The following BAHD1 variants were observed in gnomAD, a reference collection of about 807,000 sequenced individuals.
BAHD1 encodes the protein bromo adjacent homology domain containing 1.
Under a neutral mutation model 63.1 loss-of-function variants are expected in BAHD1, and 20 were observed. That is an observed-to-expected ratio of 0.32 (90% CI 0.22 to 0.46). BAHD1 has a LOEUF of 0.46. Among genes scored for constraint, BAHD1 ranks in the 20% least tolerant of loss-of-function variants. The probability of loss-of-function intolerance (pLI) is 1.00; values close to 1 mark genes in which losing one functional copy is unlikely to be tolerated. For missense variants in BAHD1, 939 were observed against 1,071.8 expected, an observed-to-expected ratio of 0.88 and a Z score of 1.73; for synonymous variants, 408 against 426.8, an observed-to-expected ratio of 0.96 and a Z score of 0.54.
At chr15:40,463,836 T>C in intron 3 of BAHD1, 25 bp from the exon 4 acceptor site, 2 of 1,613,486 alleles carry the variant, frequency 1.2e-6, no homozygotes, top group South Asian at 1.1e-5. Context: ...TGCAAGCCTA[T>C]TTGTGTCATT....
Position 40,441,043 on chromosome 15 carries a change from C to A in BAHD1, c.-240C>A, listed in dbSNP as rs920305779. 2.1e-5 allele frequency among the ~76,000 whole-genome samples: 3 copies of A among 146,270 alleles called. No homozygotes were observed. Among genetic ancestry groups the A allele is most frequent in the Admixed American group, 2.0e-4 (3 of 14,736 alleles). ...CCGGCTGCCTGCCCCGCCCGTCCGG[C>A]CCCCGCCGTCCGCCCGCCCCGGCCA... On this transcript the variant is annotated 5_prime_UTR_variant, in exon 1 of 7. Transcript: ENST00000416165.
intron 3 of BAHD1, among the ~76,000 whole-genome samples, chr15:40,463,629 A>G (rs927219120): frequency 1.3e-5 from 2 of 152,170 alleles, no homozygotes; most frequent in Non-Finnish European, 2.9e-5. Context: ...TGGTGGTCAG[A>G]GCTCAGCCCC....
At chr15:40,448,122 G>A (rs1290529559) in intron 1 of BAHD1, among the ~76,000 whole-genome samples, 2 of 151,800 alleles carry the variant, frequency 1.3e-5, no homozygotes, top group African/African-American at 4.8e-5. Flanking sequence ...TGCGCCTGTA[G>A]TCCCAGCAAC....
chr15:40,461,767 C>G, intron 2 of BAHD1, 145 bp from the exon 3 acceptor site: 7 of 938,106 alleles, frequency 7.5e-6, no homozygotes, highest in Non-Finnish European at 1.1e-5. Context: ...TCTGACAGTC[C>G]ACCATAAAAA....
chr15:40,459,254 G>A lies in BAHD1; in HGVS notation c.790G>A (p.Ala264Thr). 11 of 1,612,482 alleles carry A rather than the reference G, an allele frequency of 6.8e-6. No homozygotes were observed. The highest frequency in any genetic ancestry group is 9.3e-6 in the Non-Finnish European group (11 of 1,179,688). Residue 264 changes from alanine (A) to threonine (T), a missense_variant, in exon 2 of 7, where the codon GCC (alanine) becomes ACC (threonine). By Grantham distance (58) the Ala-to-Thr change is moderately conservative. Coordinates refer to ENST00000416165, the MANE Select transcript of BAHD1 (RefSeq NM_014952.5). The part of the protein sequence containing the change: ...GKNYPKAWQG[A>T]SSGEAAGPPG... ...GAACTATCCCAAGGCTTGGCAGGGG[G>A]CCAGCTCTGGGGAGGCTGCAGGCCC...
At chr15:40,464,631 A>G (rs1287914858) in intron 5 of BAHD1, 84 bp downstream of exon 5, 2 of 1,175,840 alleles carry the variant, frequency 1.7e-6, no homozygotes, top group Non-Finnish European at 2.5e-6. Flanking sequence ...GGGGGAGGGC[A>G]GCCATGGGCT....
chr15:40,456,580 C>G (rs1370386752), intron 1 of BAHD1, among the ~76,000 whole-genome samples: 1 of 152,236 alleles, frequency 6.6e-6, no homozygotes. Context: ...TCTGAGCACT[C>G]TTTCTCAATT....
intron 1 of BAHD1, chr15:40,443,208 C>G: frequency 1.0e-6 from 1 of 969,158 alleles, no homozygotes; most frequent in Non-Finnish European, 1.2e-6. Context: ...GGGAAAGCTG[C>G]TTGTCTGCCA....
At chr15:40,437,535 G>C (rs886641276), upstream of BAHD1, among the ~76,000 whole-genome samples, 1 of 152,240 alleles carries the variant, frequency 6.6e-6, no homozygotes, top group Non-Finnish European at 1.5e-5. Flanking sequence ...CTCCCCCAAA[G>C]AGCTGTGCCC....
chr15:40,438,866 G>A (rs1231234277), upstream of BAHD1, among the ~76,000 whole-genome samples: 2 of 152,198 alleles, frequency 1.3e-5, no homozygotes, highest in African/African-American at 2.4e-5. Flanking sequence ...GGTCAGCGCC[G>A]CCTGGGCTGC....
rs899858590 is a variant in BAHD1, at chr15:40,440,975, C to T, written c.-308C>T. Among the ~76,000 whole-genome samples, 4 of 151,260 alleles carry T rather than the reference C, an allele frequency of 2.6e-5. No homozygotes were observed. Among genetic ancestry groups the T allele is most frequent in the African/African-American group, 4.8e-5 (2 of 41,356 alleles). On this transcript the variant is annotated 5_prime_UTR_variant, in exon 1 of 7. Transcript: ENST00000416165. Reference sequence around the variant, plus strand: ...GGGGAGTTTGTGGGGGAACCGCGAGCGGCGTAGCGGATCCCGGAGCCCGGC... The same window carrying T: ...GGGGAGTTTGTGGGGGAACCGCGAGTGGCGTAGCGGATCCCGGAGCCCGGC...
At chr15:40,465,096 C>G (rs1162438347) in intron 5 of BAHD1, 2 of 545,344 alleles carry the variant, frequency 3.7e-6, no homozygotes, top group African/African-American at 3.8e-5. Context: ...TTTGGGAGGT[C>G]AGTGACAATC....
Position 40,458,648 on chromosome 15 carries a change from T to C in BAHD1, c.184T>C (p.Leu62=). Residue 62 remains leucine, a synonymous_variant, in exon 2 of 7, where the codon TTG becomes CTG. Transcript: ENST00000416165. This position sits in a 1 kb window ranked among gnomAD's most constrained non-coding sequence, Gnocchi z 4.7. ...GAATTACCCACTTCGTAAGCGCCCA[T>C]TGGTTCCTGAGAAGCCCAAGGCCTG... The part of the protein sequence containing the change: ...RKNYPLRKRP[L]VPEKPKACKV... 1 of 1,613,824 alleles carries C rather than the reference T, an allele frequency of 6.2e-7. No individual in the cohort carries two copies. The highest frequency in any genetic ancestry group is 8.5e-7 in the Non-Finnish European group (1 of 1,179,910).
intron 1 of BAHD1, among the ~76,000 whole-genome samples, chr15:40,452,929 C>T (rs1595853546): frequency 6.6e-6 from 1 of 152,312 alleles, no homozygotes; most frequent in African/African-American, 2.4e-5. Context: ...ATTATCTTTC[C>T]TTGGGGTGGG....
chr15:40,439,076 G>T (rs892723385), upstream of BAHD1, among the ~76,000 whole-genome samples: 3 of 152,170 alleles, frequency 2.0e-5, no homozygotes. Context: ...GTGTTGGGGG[G>T]GCGCTGCCGG....
At chr15:40,462,354 G>T (rs755667418) in intron 3 of BAHD1, 60 bp downstream of exon 3, 50 of 1,543,208 alleles carry the variant, frequency 3.2e-5, no homozygotes, top group African/African-American at 6.8e-5. Context: ...CACATGACCT[G>T]CAGTGAGGTA....
chr15:40,442,491 G>A (rs1226262042), intron 1 of BAHD1, among the ~76,000 whole-genome samples: 1 of 152,218 alleles, frequency 6.6e-6, no homozygotes, highest in African/African-American at 2.4e-5. Flanking sequence ...GACAGACCCA[G>A]TGAGCCGCTG....
rs1459736022 is a variant in BAHD1 at position 40,459,382 on chromosome 15, C to T, written c.918C>T (p.Ser306=). The change falls in exon 2 of 7, where the codon AGC becomes AGT. Residue 306 remains serine (S), a synonymous_variant. Coordinates refer to ENST00000416165, the MANE Select transcript of BAHD1 (RefSeq NM_014952.5). ...SHQPLSKALE[S]PLGLRPHLPL... is the part of the protein sequence containing the mutation. Reference sequence around the variant, plus strand: ...AGCCCCTGAGCAAGGCTCTGGAGAGCCCTTTGGGGCTGCGCCCTCACCTGC... The same window carrying T: ...AGCCCCTGAGCAAGGCTCTGGAGAGTCCTTTGGGGCTGCGCCCTCACCTGC... 2 of 1,612,366 alleles carry T rather than the reference C, an allele frequency of 1.2e-6. No individual in the cohort carries two copies. Among genetic ancestry groups the T allele is most frequent in the Admixed American group, 1.7e-5 (1 of 59,806 alleles).
At chr15:40,461,177 A>G (rs866731750) in intron 2 of BAHD1, among the ~76,000 whole-genome samples, 1 of 152,280 alleles carries the variant, frequency 6.6e-6, no homozygotes, top group Middle Eastern at 3.4e-3. Context: ...AATGATACCT[A>G]TCTCACAGGG....
Sources: allele counts gnomAD v4.1 joint callset (sites outside exome capture counted in the v4.1 genomes callset), GRCh38; gene constraint gnomAD v4.1.1; non-coding constraint Gnocchi (gnomAD v3.1); transcripts MANE v1.5; gene names NCBI Gene and HGNC (gene_info 2026-07-23, HGNC 2026-07-21).